The following UBE3C variants were observed in gnomAD, a reference collection of about 807,000 sequenced individuals.
UBE3C encodes ubiquitin protein ligase E3C.
Under a neutral mutation model 129.4 loss-of-function variants are expected in UBE3C, and 42 were observed. The observed-to-expected ratio is 0.32, with a 90% CI of 0.25 to 0.42. UBE3C has a LOEUF of 0.42. Ranked by LOEUF, UBE3C falls within the 10% of genes least tolerant of loss-of-function variation. The probability of loss-of-function intolerance (pLI) is 1.00; values close to 1 mark genes in which losing one functional copy is unlikely to be tolerated. For missense variants in UBE3C, 1,049 were observed against 1,319.1 expected, an observed-to-expected ratio of 0.80 and a Z score of 3.17; for synonymous variants, 510 against 492.4, an observed-to-expected ratio of 1.04 and a Z score of -0.47.
chr7:157,171,053 T>A (rs1051775673), intron 4 of UBE3C, among the ~76,000 whole-genome samples: 1 of 152,068 alleles, frequency 6.6e-6, no homozygotes, highest in Non-Finnish European at 1.5e-5. Context: ...CTCAAGTGAT[T>A]TTTCCCTCCC....
chr7:157,192,958 G>A, intron 10 of UBE3C: 2 of 602,542 alleles, frequency 3.3e-6, no homozygotes, highest in South Asian at 2.0e-5. Flanking sequence ...ATGAGGGAAA[G>A]TATGTTTTTT....
intron 22 of UBE3C, among the ~76,000 whole-genome samples, chr7:157,258,555 G>A (rs898956750): frequency 1.3e-5 from 2 of 152,180 alleles, no homozygotes; most frequent in Non-Finnish European, 2.9e-5. Context: ...TGCCTCACAG[G>A]GTCAAGCAAT....
At chr7:157,192,989 TAAAG>T (rs1809015590) in intron 10 of UBE3C, among the ~76,000 whole-genome samples, 3 of 152,188 alleles carry the variant, frequency 2.0e-5, no homozygotes, top group African/African-American at 4.8e-5. Context: ...ATCTTTTAAT[TAAAG>T]AAAATCAGTT....
chr7:157,211,930 GAA>G (rs1809607446), intron 13 of UBE3C, among the ~76,000 whole-genome samples: 1 of 152,234 alleles, frequency 6.6e-6, no homozygotes, highest in Non-Finnish European at 1.5e-5. Context: ...ACACAGGAGA[GAA>G]GCACCAGCTG....
intron 18 of UBE3C, among the ~76,000 whole-genome samples, chr7:157,243,657 G>C (rs1796403160): frequency 6.6e-6 from 1 of 152,210 alleles, no homozygotes; most frequent in Non-Finnish European, 1.5e-5. Flanking sequence ...TTTAGTGCCA[G>C]GGTAGCTGTG....
Position 157,198,210 on chromosome 7 carries a change from C to T in UBE3C, c.1332-3511C>T, listed in dbSNP as rs193169162. The stretch of plus-strand genomic sequence containing the variant: ...ATTTTCTCCATGCATATATTCAGAC[C>T]GCTTACAAAAGGAATTACCCAATCT... On this transcript the variant is annotated intron_variant, in intron 10 of 22. Transcript: ENST00000348165. 1,936 of 1,549,338 alleles carry T rather than the reference C, an allele frequency of 1.2e-3. 4 individuals are homozygous for T. Among genetic ancestry groups the T allele is most frequent in the South Asian group, 4.9e-3 (438 of 89,698 alleles).
intron 18 of UBE3C, among the ~76,000 whole-genome samples, chr7:157,247,196 T>C (rs1428807242): frequency 2.0e-5 from 3 of 152,184 alleles, no homozygotes; most frequent in South Asian, 2.1e-4. Flanking sequence ...TGACTAGATA[T>C]ATTCTAACAC....
intron 9 of UBE3C, 62 bp downstream of exon 9, chr7:157,184,091 C>G: frequency 6.3e-7 from 1 of 1,580,146 alleles, no homozygotes; most frequent in East Asian, 2.3e-5. Context: ...GATCTTCTAG[C>G]TTTCTGTCCA....
chr7:157,197,980 T>G (rs1809169449), intron 10 of UBE3C: 2 of 1,609,540 alleles, frequency 1.2e-6, no homozygotes, highest in African/African-American at 1.3e-5. Flanking sequence ...CTAGGTTTTA[T>G]GTATTCTTGA....
intron 13 of UBE3C, among the ~76,000 whole-genome samples, chr7:157,212,121 G>A (rs1324413169): frequency 6.6e-6 from 1 of 152,004 alleles, no homozygotes; most frequent in Admixed American, 6.6e-5. Context: ...TTCAGAACCT[G>A]GAAATTGTAT....
intron 1 of UBE3C, among the ~76,000 whole-genome samples, chr7:157,140,175 C>T (rs545705437): frequency 6.6e-6 from 1 of 152,100 alleles, no homozygotes; most frequent in Non-Finnish European, 1.5e-5. Context: ...CCTTCCCACC[C>T]CTTCCCATCA....
At chr7:157,247,163 G>A (rs1401989147) in intron 18 of UBE3C, among the ~76,000 whole-genome samples, 2 of 152,194 alleles carry the variant, frequency 1.3e-5, no homozygotes, top group Non-Finnish European at 2.9e-5. Flanking sequence ...TGGGATTACA[G>A]GCGTGAGCCA....
chr7:157,157,973 G>T (rs199962159), intron 1 of UBE3C, among the ~76,000 whole-genome samples: 4 of 142,234 alleles, frequency 2.8e-5, no homozygotes, highest in South Asian at 2.2e-4. Flanking sequence ...GATATATATA[G>T]ATATATATAT....
At chr7:157,191,395 A>C (rs1808963048) in intron 10 of UBE3C, among the ~76,000 whole-genome samples, 2 of 152,130 alleles carry the variant, frequency 1.3e-5, no homozygotes, top group Non-Finnish European at 2.9e-5. Flanking sequence ...GGCTCAGGTG[A>C]TCCTCCTACC....
chr7:157,189,896 G>A (rs1199995230), intron 10 of UBE3C, among the ~76,000 whole-genome samples: 3 of 152,136 alleles, frequency 2.0e-5, no homozygotes, highest in African/African-American at 4.8e-5. Flanking sequence ...CACCTCCAGG[G>A]TTCAAGCGAT....
At chr7:157,147,522 TTTTTC>T (rs1454314760) in intron 1 of UBE3C, among the ~76,000 whole-genome samples, 2 of 152,324 alleles carry the variant, frequency 1.3e-5, no homozygotes, top group Admixed American at 6.5e-5. Context: ...TTTTTTTTCT[TTTTTC>T]TTTTCTAAGA....
intron 1 of UBE3C, among the ~76,000 whole-genome samples, chr7:157,155,539 A>G (rs930036496): frequency 2.0e-5 from 3 of 152,192 alleles, no homozygotes; most frequent in Non-Finnish European, 2.9e-5. Context: ...TTACTTTGAC[A>G]TTCACTCTAG....
intron 18 of UBE3C, among the ~76,000 whole-genome samples, chr7:157,241,148 C>T (rs1201684242): frequency 3.9e-5 from 6 of 152,072 alleles, no homozygotes; most frequent in South Asian, 2.1e-4. Flanking sequence ...CAGCTACTCA[C>T]GCAGAGTGCT....
At position 157,207,861 on chromosome 7, in the gene UBE3C, A is replaced by T. The variant is rs576447494; in HGVS notation, c.1735A>T (p.Ile579Phe). Reference sequence around the variant, plus strand: ...AGAATATATTACAGCATTTCAGAGTATTGGAGTTACTACTAGCTCTGAAAT... The same window carrying T: ...AGAATATATTACAGCATTTCAGAGTTTTGGAGTTACTACTAGCTCTGAAAT... ...REEYITAFQS[I>F]GVTTSSEMQQ... Residue 579 changes from isoleucine (I) to phenylalanine (F), a missense_variant, in exon 13 of 23, where the codon ATT becomes TTT. Coordinates refer to ENST00000348165, the MANE Select transcript of UBE3C (RefSeq NM_014671.3). The T allele has an allele frequency of 3.1e-6, 5 of 1,613,826 alleles. No homozygotes were observed. In the East Asian group the frequency reaches 1.1e-4, roughly 36 times the overall value.
Sources: gnomAD v4.1 joint callset for allele counts (sites outside exome capture counted in the v4.1 genomes callset) on GRCh38, gnomAD v4.1.1 for gene constraint, MANE v1.5 for transcripts, NCBI Gene and HGNC (gene_info 2026-07-23, HGNC 2026-07-21) for gene names.